The following TUSC3 variants were observed in gnomAD, a reference collection of about 807,000 sequenced individuals.
TUSC3 encodes the protein tumor suppressor candidate 3, also known as dolichyl-diphosphooligosaccharide--protein glycosyltransferase subunit TUSC3.
Under a neutral mutation model 44.8 loss-of-function variants are expected in TUSC3, and 45 were observed. The ratio of observed to expected loss-of-function variants is 1.00; its 90% CI spans 0.79 to 1.29. The LOEUF is 1.29. TUSC3 is among the 50% of genes most tolerant of loss of function. TUSC3 has a pLI of 0.00. For missense variants in TUSC3, 519 were observed against 437.9 expected, an observed-to-expected ratio of 1.19 and a Z score of -1.65; for synonymous variants, 212 against 152.9, an observed-to-expected ratio of 1.39 and a Z score of -2.85.
intron 1 of TUSC3, among the ~76,000 whole-genome samples, chr8:15,481,682 A>G (rs186805024): frequency 6.7e-4 from 102 of 152,350 alleles, no homozygotes; most frequent in African/African-American, 1.8e-3. Flanking sequence ...TAAGTGTGCA[A>G]TAGCATTATG....
At chr8:15,692,715 C>T (rs1226217637) in intron 6 of TUSC3, among the ~76,000 whole-genome samples, 1 of 148,538 alleles carries the variant, frequency 6.7e-6, no homozygotes, top group African/African-American at 2.5e-5. Context: ...TTTGTCATTT[C>T]TGATTGAGTT....
At chr8:15,588,615 A>T (rs2129149428) in intron 1 of TUSC3, among the ~76,000 whole-genome samples, 1 of 152,186 alleles carries the variant, frequency 6.6e-6, no homozygotes, top group South Asian at 2.1e-4. Flanking sequence ...AAGTCTTATC[A>T]ACAAAATCTT....
At chr8:15,479,585 G>A (rs1353065141) in intron 1 of TUSC3, among the ~76,000 whole-genome samples, 2 of 152,154 alleles carry the variant, frequency 1.3e-5, no homozygotes, top group South Asian at 4.1e-4. Flanking sequence ...TCAAAGATCA[G>A]ATGGTTGTAG....
intron 1 of TUSC3, among the ~76,000 whole-genome samples, chr8:15,611,966 G>A (rs1298981558): frequency 6.6e-6 from 1 of 152,156 alleles, no homozygotes; most frequent in African/African-American, 2.4e-5. Context: ...GGTTTTCATT[G>A]AACTCCTTAA....
At chr8:15,419,154 C>T (rs770883604) in intron 1 of TUSC3, among the ~76,000 whole-genome samples, 2 of 152,036 alleles carry the variant, frequency 1.3e-5, no homozygotes, top group East Asian at 1.9e-4. Context: ...CTCATCTCTG[C>T]GAATAAAGAA....
intron 1 of TUSC3, among the ~76,000 whole-genome samples, chr8:15,425,736 G>C (rs972603452): frequency 2.0e-5 from 3 of 152,182 alleles, no homozygotes; most frequent in African/African-American, 7.2e-5. Context: ...TGATCTCATG[G>C]CTAGAAATTT....
rs931578003 is a variant in TUSC3 at position 15,757,670 on chromosome 8, C to G, written c.1029-121C>G. 72 of 1,289,512 alleles carry G rather than the reference C, an allele frequency of 5.6e-5. No homozygotes were observed. The South Asian group carries it at 8.6e-4, about 15-fold the overall frequency. 79.9% of individuals were successfully genotyped at this position (1,289,512 alleles called of 1,614,324 possible). On this transcript the variant is annotated intron_variant, in intron 9 of 10. Transcript: ENST00000503731. ...TCTGTAAAGGCACCATCGTCTATCC[C>G]CTGTCTTATCTAGATAAAGAATGTA... is the stretch of plus-strand genomic sequence containing the variant.
At chr8:15,630,659 T>A (rs570191556) in intron 2 of TUSC3, among the ~76,000 whole-genome samples, 2 of 152,304 alleles carry the variant, frequency 1.3e-5, no homozygotes, top group African/African-American at 2.4e-5. Flanking sequence ...TTGTCTCTAT[T>A]CTGTAAACTG....
chr8:15,730,950 G>C (rs1039254906), intron 7 of TUSC3, among the ~76,000 whole-genome samples: 1 of 151,802 alleles, frequency 6.6e-6, no homozygotes, highest in Non-Finnish European at 1.5e-5. Flanking sequence ...TTTTTACTGA[G>C]TGTTGAATTT....
At position 15,673,792 on chromosome 8, in the gene TUSC3, C is replaced by T. The variant is rs764069324; in HGVS notation, c.754C>T (p.Arg252Cys). Residue 252 changes from arginine (R) to cysteine (C), a missense_variant, in exon 6 of 11, where the codon CGT (arginine) becomes TGT (cysteine). By Grantham distance (180) the Arg-to-Cys change is radical. Transcript: ENST00000503731. The part of the protein sequence containing the change: ...MTSGQMWNHI[R>C]GPPYAHKNPH... ...TTCTGGCCAGATGTGGAACCATATC[C>T]GTGGACCTCCATATGCTCATAAGAA... 3 of 1,612,742 alleles carry T rather than the reference C, an allele frequency of 1.9e-6. No homozygotes were observed. Among genetic ancestry groups the T allele is most frequent in the Non-Finnish European group, 1.7e-6 (2 of 1,179,146 alleles).
the TUSC3 span, among the ~76,000 whole-genome samples, chr8:15,794,331 G>A: frequency 6.6e-6 from 1 of 152,036 alleles, no homozygotes; most frequent in Non-Finnish European, 1.5e-5. Context: ...TCACCCTAGA[G>A]GGGTGACTGT....
intron 2 of TUSC3, among the ~76,000 whole-genome samples, chr8:15,508,547 C>T (rs1364433344): frequency 2.7e-5 from 4 of 145,820 alleles, no homozygotes; most frequent in African/African-American, 5.1e-5. Flanking sequence ...GTGCAAGCTC[C>T]GCCTCCCGGG....
chr8:15,612,733 G>C lies in TUSC3; in HGVS notation c.139-10347G>C, dbSNP rs1436187663. Among the ~76,000 whole-genome samples, 7 of 152,106 alleles carry C rather than the reference G, an allele frequency of 4.6e-5. No individual in the cohort carries two copies. In the East Asian group the frequency reaches 1.2e-3, roughly 25 times the overall value. ...ACCTTTGTTTTTTATAAAGTAACAA[G>C]GATGGGGCTTTTTTGTTTTGTTTTG... On this transcript the variant is annotated intron_variant, in intron 1 of 10. Coordinates refer to ENST00000503731, the MANE Select transcript of TUSC3 (RefSeq NM_006765.4).
chr8:15,585,889 C>T (rs1245864490), intron 1 of TUSC3, among the ~76,000 whole-genome samples: 1 of 152,012 alleles, frequency 6.6e-6, no homozygotes, highest in Non-Finnish European at 1.5e-5. Context: ...ATAATAGCTG[C>T]CATAATGTGT....
chr8:15,648,782 A>C (rs1806752367), intron 2 of TUSC3, among the ~76,000 whole-genome samples: 1 of 149,122 alleles, frequency 6.7e-6, no homozygotes, highest in African/African-American at 2.5e-5. Flanking sequence ...ACAAAGCATC[A>C]TCTTGTTATC....
intron 6 of TUSC3, among the ~76,000 whole-genome samples, chr8:15,698,229 C>T (rs533362999): frequency 2.6e-5 from 4 of 152,084 alleles, no homozygotes; most frequent in Non-Finnish European, 5.9e-5. Flanking sequence ...TGCTGTAATT[C>T]TCTCCCAAAG....
intron 1 of TUSC3, among the ~76,000 whole-genome samples, chr8:15,574,560 A>G (rs1803016850): frequency 6.6e-6 from 1 of 152,166 alleles, no homozygotes; most frequent in Admixed American, 6.5e-5. Context: ...GATATTATTT[A>G]GTAAAGCATT....
intron 6 of TUSC3, among the ~76,000 whole-genome samples, chr8:15,706,354 A>G (rs1286292490): frequency 2.0e-5 from 3 of 152,000 alleles, no homozygotes; most frequent in Admixed American, 6.6e-5. Flanking sequence ...GCAGCATTCT[A>G]TTTTGCAGTG....
intron 8 of TUSC3, among the ~76,000 whole-genome samples, chr8:15,746,571 A>G (rs569187142): frequency 8.0e-4 from 122 of 152,014 alleles, no homozygotes; most frequent in African/African-American, 2.9e-3. Flanking sequence ...CTGCCTTCCC[A>G]TATACAAGTA....
Sources: gnomAD v4.1 joint callset for allele counts (sites outside exome capture counted in the v4.1 genomes callset) on GRCh38, gnomAD v4.1.1 for gene constraint, MANE v1.5 for transcripts, NCBI Gene and HGNC (gene_info 2026-07-23, HGNC 2026-07-21) for gene names.